SOX6: variants seen among roughly 807,000 people sequenced by gnomAD.
SOX6 encodes transcription factor SOX-6.
A neutral mutation model predicts 97.8 loss-of-function variants in SOX6; 11 were observed. That is an observed-to-expected ratio of 0.11 (90% CI 0.07 to 0.19). The LOEUF (loss-of-function observed/expected upper bound fraction) is 0.19. Ranked by LOEUF, SOX6 falls within the 10% of genes least tolerant of loss-of-function variation. The probability of loss-of-function intolerance (pLI) is 1.00; values close to 1 mark genes in which losing one functional copy is unlikely to be tolerated. For synonymous variants in SOX6, 360 were observed against 371.4 expected, an observed-to-expected ratio of 0.97 and a Z score of 0.35; for missense variants, 810 against 1,039.5, an observed-to-expected ratio of 0.78 and a Z score of 3.04.
chr11:16,338,993 A>G (rs749655134), intron 2 of SOX6, among the ~76,000 whole-genome samples: 15 of 151,994 alleles, frequency 9.9e-5, no homozygotes, highest in Non-Finnish European at 1.9e-4. Context: ...TCTTCTACCC[A>G]TATTTTCCAG....
At chr11:16,503,645 T>G (rs1004971139) in intron 4 of SOX6, among the ~76,000 whole-genome samples, 1 of 152,172 alleles carries the variant, frequency 6.6e-6, no homozygotes, top group South Asian at 2.1e-4. Context: ...GTAGCTATAC[T>G]TATGTCAGAT....
rs1860441639 is a variant in SOX6, at chr11:16,486,727, A to G, written n.610-10339T>C. On this transcript the variant is annotated intron_variant and non_coding_transcript_variant, in intron 4 of 5. Coordinates refer to the SOX6 transcript ENST00000524520. ...AATACAAAGATTGGCCGAGCATGATAGTCCCGGCTACTCAGGAGGCTGAGG... is the reference window on the plus strand; with the variant it reads ...AATACAAAGATTGGCCGAGCATGATGGTCCCGGCTACTCAGGAGGCTGAGG... 2.0e-5 allele frequency among the ~76,000 whole-genome samples: 3 copies of G among 151,994 alleles called. No individual in the cohort carries two copies. The South Asian group carries it at 6.2e-4, about 32-fold the overall frequency.
intron 4 of SOX6, among the ~76,000 whole-genome samples, chr11:16,568,794 G>A (rs1299222918): frequency 6.6e-6 from 1 of 151,960 alleles, no homozygotes; most frequent in Admixed American, 6.6e-5. Context: ...TAACATTATA[G>A]AATATGGAAA....
intron 4 of SOX6, among the ~76,000 whole-genome samples, chr11:16,559,902 T>G (rs1847789214): frequency 6.6e-6 from 1 of 152,160 alleles, no homozygotes; most frequent in African/African-American, 2.4e-5. Flanking sequence ...ATTCAAATAT[T>G]CAAATGCATT....
chr11:16,123,943 T>C (rs113009668), intron 6 of SOX6, among the ~76,000 whole-genome samples: 1,639 of 152,188 alleles, frequency 0.011, 16 homozygotes, highest in Non-Finnish European at 0.017. Context: ...GCCTACTACA[T>C]TGTACCATGA....
intron 6 of SOX6, among the ~76,000 whole-genome samples, chr11:16,130,698 T>C (rs1312690302): frequency 2.6e-5 from 4 of 151,894 alleles, no homozygotes; most frequent in Non-Finnish European, 5.9e-5. Context: ...CAAATAAAAT[T>C]AGTTAAGTAT....
intron 1 of SOX6, among the ~76,000 whole-genome samples, chr11:16,391,224 A>G (rs1858171340): frequency 1.3e-5 from 2 of 152,180 alleles, no homozygotes; most frequent in Non-Finnish European, 2.9e-5. Flanking sequence ...ACATTATGAG[A>G]AATACCTAAT....
At chr11:16,121,804 A>T (rs1236457589) in intron 6 of SOX6, among the ~76,000 whole-genome samples, 1 of 152,072 alleles carries the variant, frequency 6.6e-6, no homozygotes, top group African/African-American at 2.4e-5. Flanking sequence ...GGAGGGAAAT[A>T]GAATATCCTG....
intron 6 of SOX6, among the ~76,000 whole-genome samples, chr11:16,121,152 T>C (rs1282829450): frequency 2.0e-5 from 3 of 152,098 alleles, no homozygotes; most frequent in Non-Finnish European, 2.9e-5. Context: ...TAGGATCATA[T>C]GTAGTCAAAA....
chr11:16,565,527 G>A (rs892758281), intron 4 of SOX6, among the ~76,000 whole-genome samples: 11 of 150,956 alleles, frequency 7.3e-5, no homozygotes, highest in Non-Finnish European at 1.3e-4. Context: ...AACTCCTCAT[G>A]AATTCTTTTT....
chr11:16,030,930 T>G (rs1013755606), intron 12 of SOX6, among the ~76,000 whole-genome samples: 1 of 152,318 alleles, frequency 6.6e-6, no homozygotes, highest in Non-Finnish European at 1.5e-5. Flanking sequence ...GCACACAGCA[T>G]AAAGCTTCCC....
chr11:16,350,264 A>G (rs571125321), intron 1 of SOX6, among the ~76,000 whole-genome samples: 26 of 152,104 alleles, frequency 1.7e-4, no homozygotes, highest in African/African-American at 5.8e-4. Flanking sequence ...AGATGAAGAC[A>G]TTGGTTGAAC....
chr11:16,176,070 CGGATGGATGGATGGATGGATGGAT>C (rs71826187), intron 6 of SOX6, among the ~76,000 whole-genome samples: 2 of 148,304 alleles, frequency 1.3e-5, no homozygotes, highest in Non-Finnish European at 3.0e-5. Flanking sequence ...GACGGACGGA[CGGATGGATGGATGGATGGATGGAT>C]GGATGGATGG....
chr11:16,160,110 A>T (rs1290059280), intron 6 of SOX6, among the ~76,000 whole-genome samples: 1 of 152,178 alleles, frequency 6.6e-6, no homozygotes, highest in African/African-American at 2.4e-5. Flanking sequence ...AAGCTACAAG[A>T]TAGGTTTACG....
At chr11:16,146,051 C>G (rs1850285192) in intron 6 of SOX6, among the ~76,000 whole-genome samples, 1 of 152,114 alleles carries the variant, frequency 6.6e-6, no homozygotes, top group Non-Finnish European at 1.5e-5. Flanking sequence ...CAAGTCAATC[C>G]TAAGCCAAAA....
Position 16,109,350 on chromosome 11 carries a change from A to G in SOX6, c.898+2453T>C, listed in dbSNP as rs570862359. Among the ~76,000 whole-genome samples the G allele has an allele frequency of 2.4e-4, 37 of 152,166 alleles. No individual in the cohort carries two copies. The East Asian group carries it at 4.6e-3, about 19-fold the overall frequency. Reference sequence around the variant, plus strand: ...TGGGTAGCTAGGACTACAGGTGAACACCACCATGCTTTGCTAACTTTTTAA... The same window carrying G: ...TGGGTAGCTAGGACTACAGGTGAACGCCACCATGCTTTGCTAACTTTTTAA... On this transcript the variant is annotated intron_variant, in intron 7 of 15. Transcript: ENST00000683767.
intron 1 of SOX6, among the ~76,000 whole-genome samples, chr11:16,428,889 G>A (rs1324119851): frequency 6.6e-6 from 1 of 152,100 alleles, no homozygotes; most frequent in African/African-American, 2.4e-5. Flanking sequence ...TGATGGGGAT[G>A]GCATTGAATC....
chr11:16,234,950 G>T (rs1304847001), intron 3 of SOX6, among the ~76,000 whole-genome samples: 1 of 151,836 alleles, frequency 6.6e-6, no homozygotes, highest in Non-Finnish European at 1.5e-5. Flanking sequence ...TATTCAATCA[G>T]CATTTGTCAT....
At chr11:16,509,279 A>G (rs537604225) in intron 4 of SOX6, among the ~76,000 whole-genome samples, 1 of 152,092 alleles carries the variant, frequency 6.6e-6, no homozygotes, top group African/African-American at 2.4e-5. Context: ...GACACATATT[A>G]TTTAACCTTC....
Sources: gnomAD v4.1 joint callset for allele counts (sites outside exome capture counted in the v4.1 genomes callset) on GRCh38, gnomAD v4.1.1 for gene constraint, MANE v1.5 for transcripts, NCBI Gene and HGNC (gene_info 2026-07-23, HGNC 2026-07-21) for gene names.